The following TULP4 variants were observed in gnomAD, a reference collection of about 807,000 sequenced individuals.
TULP4 encodes tubby-related protein 4.
In TULP4, 16 loss-of-function variants were observed where a neutral mutation model predicts 129.0. That is an observed-to-expected ratio of 0.12 (90% CI 0.08 to 0.19). TULP4 has a LOEUF of 0.19. Ranked by LOEUF, TULP4 falls within the 10% of genes least tolerant of loss-of-function variation. The pLI is 1.00. For synonymous variants in TULP4, 998 were observed against 854.0 expected (o/e 1.17, Z -2.94); for missense variants, 1,842 against 2,059.1 (o/e 0.89, Z 2.04).
chr6:158,257,914 G>A (rs897216615), intron 1 of TULP4, among the ~76,000 whole-genome samples: 5 of 152,178 alleles, frequency 3.3e-5, no homozygotes, highest in African/African-American at 7.2e-5. Context: ...GCTGTGGAGC[G>A]CTGCAGTGGC....
chr6:158,462,763 T>C (rs906917215), intron 6 of TULP4, among the ~76,000 whole-genome samples: 8 of 90,220 alleles, frequency 8.9e-5, no homozygotes. Context: ...TTTTTTTTTT[T>C]TTTGAATTGG....
intron 8 of TULP4, among the ~76,000 whole-genome samples, chr6:158,484,812 CTG>C (rs1780028979): frequency 6.6e-6 from 1 of 152,256 alleles, no homozygotes; most frequent in African/African-American, 2.4e-5. Flanking sequence ...GCGCGTGCGC[CTG>C]TGTGTGTGCA....
At chr6:158,359,381 T>C (rs1293851220) in intron 1 of TULP4, among the ~76,000 whole-genome samples, 1 of 151,678 alleles carries the variant, frequency 6.6e-6, no homozygotes, top group Non-Finnish European at 1.5e-5. Flanking sequence ...TAAAGGAGAG[T>C]TTATTAAGGA....
At chr6:158,357,577 C>A (rs926677450) in intron 1 of TULP4, among the ~76,000 whole-genome samples, 1 of 152,216 alleles carries the variant, frequency 6.6e-6, no homozygotes, top group Non-Finnish European at 1.5e-5. Flanking sequence ...GTGCTTTCTG[C>A]TGTTGTTTTT....
chr6:158,235,608 G>A (rs1404161792), intron 1 of TULP4, among the ~76,000 whole-genome samples: 3 of 152,124 alleles, frequency 2.0e-5, no homozygotes, highest in Non-Finnish European at 4.4e-5. Flanking sequence ...TAGGCCTCCC[G>A]AAGTGCTTGG....
upstream of TULP4, among the ~76,000 whole-genome samples, chr6:158,281,558 G>A (rs565678233): frequency 3.9e-5 from 6 of 152,154 alleles, no homozygotes; most frequent in Admixed American, 6.5e-5. Flanking sequence ...ATTTCACAGC[G>A]AAGCAGGGAG....
chr6:158,463,912 T>C (rs2115192245), intron 6 of TULP4, among the ~76,000 whole-genome samples: 1 of 152,276 alleles, frequency 6.6e-6, no homozygotes, highest in African/African-American at 2.4e-5. Flanking sequence ...TATTACATTA[T>C]TATACAACCA....
chr6:158,275,978 C>CT (rs1466806335), intron 1 of TULP4, among the ~76,000 whole-genome samples: 50 of 151,688 alleles, frequency 3.3e-4, no homozygotes, highest in Non-Finnish European at 4.6e-4. Flanking sequence ...ACTTTTTCTT[C>CT]TTTTTTTTGT....
chr6:158,505,286 T>C (rs148939572), intron 13 of TULP4, among the ~76,000 whole-genome samples: 404 of 152,314 alleles, frequency 2.7e-3, no homozygotes, highest in Non-Finnish European at 4.5e-3. Flanking sequence ...ATTCACTCAA[T>C]AAATGTTATT....
At chr6:158,497,949 G>A (rs191244561) in intron 11 of TULP4, among the ~76,000 whole-genome samples, 2 of 152,146 alleles carry the variant, frequency 1.3e-5, no homozygotes, top group Admixed American at 6.5e-5. Context: ...GTTTCACCCC[G>A]ACTTTAACTA....
upstream of TULP4, among the ~76,000 whole-genome samples, chr6:158,309,717 C>T (rs906083819): frequency 1.4e-4 from 21 of 152,190 alleles, no homozygotes; most frequent in South Asian, 3.7e-3. Context: ...AGCGAAACCC[C>T]GTCTCCACCA....
chr6:158,267,508 C>A (rs560018824), intron 1 of TULP4, among the ~76,000 whole-genome samples: 1 of 152,252 alleles, frequency 6.6e-6, no homozygotes. Context: ...TGGGAGGATT[C>A]CAGAAGAAGG....
At chr6:158,378,468 T>G (rs911419681) in intron 1 of TULP4, among the ~76,000 whole-genome samples, 3 of 73,054 alleles carry the variant, frequency 4.1e-5, no homozygotes, top group East Asian at 4.6e-4. Flanking sequence ...AGCCAGTTTT[T>G]TTTTTTTTTT....
intron 1 of TULP4, among the ~76,000 whole-genome samples, chr6:158,346,759 C>T (rs1403426454): frequency 6.6e-6 from 1 of 152,202 alleles, no homozygotes; most frequent in Non-Finnish European, 1.5e-5. Context: ...CCTTTAGCCA[C>T]TCTTCCTTTC....
At chr6:158,284,222 A>C (rs1395257420) in intron 1 of TULP4, among the ~76,000 whole-genome samples, 2 of 152,220 alleles carry the variant, frequency 1.3e-5, no homozygotes, top group Admixed American at 1.3e-4. Flanking sequence ...GATGGAGACC[A>C]GGCTGGAAAA....
intron 1 of TULP4, among the ~76,000 whole-genome samples, chr6:158,297,950 A>G (rs1373924576): frequency 1.3e-5 from 2 of 152,102 alleles, no homozygotes; most frequent in East Asian, 3.8e-4. Context: ...CAACCGCATA[A>G]GACAGACATT....
intron 3 of TULP4, among the ~76,000 whole-genome samples, chr6:158,434,692 A>G (rs1046284834): frequency 6.6e-6 from 1 of 152,186 alleles, no homozygotes; most frequent in Non-Finnish European, 1.5e-5. Context: ...CCTTTCAACT[A>G]GAGAATGCAA....
chr6:158,444,425 C>T (rs1583883358), intron 3 of TULP4, among the ~76,000 whole-genome samples: 3 of 151,750 alleles, frequency 2.0e-5, no homozygotes, highest in African/African-American at 7.3e-5. Flanking sequence ...AATGTATTCC[C>T]CCAGCCTTCA....
At chr6:158,474,245 CA>C (rs1192842840) in intron 6 of TULP4, among the ~76,000 whole-genome samples, 1 of 152,152 alleles carries the variant, frequency 6.6e-6, no homozygotes, top group Non-Finnish European at 1.5e-5. Flanking sequence ...ACAGAAAGAA[CA>C]AACAAAGGGT....
Sources: gnomAD v4.1 joint callset for allele counts (sites outside exome capture counted in the v4.1 genomes callset) on GRCh38, gnomAD v4.1.1 for gene constraint, MANE v1.5 for transcripts, NCBI Gene and HGNC (gene_info 2026-07-23, HGNC 2026-07-21) for gene names.